Variants in ECM2 observed in about 807,000 individuals in gnomAD.
ECM2 encodes the protein extracellular matrix protein 2, female organ and adipocyte specific.
In ECM2, 57 loss-of-function variants were observed where a neutral mutation model predicts 67.5. The observed-to-expected ratio is 0.84, with a 90% CI of 0.68 to 1.05. The LOEUF is 1.05. ECM2 is among the 50% of genes least tolerant of loss of function. The pLI is 0.00. For missense variants in ECM2, 741 were observed against 822.8 expected, an observed-to-expected ratio of 0.90 and a Z score of 1.22; for synonymous variants, 258 against 294.5, an observed-to-expected ratio of 0.88 and a Z score of 1.27.
At position 92,495,978 on chromosome 9, in the gene ECM2, C is replaced by T. The variant is rs1846325017; in HGVS notation, c.*337G>A. The T allele has an allele frequency of 5.0e-6, 5 of 991,818 alleles. No individual in the cohort carries two copies. The South Asian group carries it at 1.4e-4, about 28-fold the overall frequency. 61.4% of individuals were successfully genotyped at this position (991,818 alleles called of 1,614,324 possible). A position where few individuals can be genotyped will look rare whatever the true frequency, so the allele number is the denominator to read the frequency against. Reference sequence around the variant, plus strand: ...TTTTTAAAGGGACTTACAGAGTTCTCAGCTAACACCAGTATTCAAGTTGAT... The same window carrying T: ...TTTTTAAAGGGACTTACAGAGTTCTTAGCTAACACCAGTATTCAAGTTGAT... On this transcript the variant is annotated 3_prime_UTR_variant, in exon 10 of 10. Coordinates refer to ENST00000344604, the MANE Select transcript of ECM2 (RefSeq NM_001393.4).
At chr9:92,540,138 G>A (rs911934523), upstream of ECM2, among the ~76,000 whole-genome samples, 1 of 152,146 alleles carries the variant, frequency 6.6e-6, no homozygotes, top group African/African-American at 2.4e-5. Flanking sequence ...TCCCATTGAA[G>A]TAAGAAAGAA....
At chr9:92,534,234 G>A (rs575867902) in intron 1 of ECM2, among the ~76,000 whole-genome samples, 5 of 152,250 alleles carry the variant, frequency 3.3e-5, no homozygotes, top group East Asian at 1.9e-4. Context: ...GCATTTATTT[G>A]TCTGTAATAT....
At chr9:92,530,336 ATAG>A (rs1299229954) in intron 1 of ECM2, among the ~76,000 whole-genome samples, 2 of 152,174 alleles carry the variant, frequency 1.3e-5, no homozygotes, top group Non-Finnish European at 2.9e-5. Flanking sequence ...TGAGATTTTG[ATAG>A]TAGGGGAAAA....
chr9:92,547,460 A>G, the ECM2 span, among the ~76,000 whole-genome samples: 7 of 152,256 alleles, frequency 4.6e-5, no homozygotes. Context: ...ACAAGGGAAT[A>G]TTATTTGGTA....
At position 92,523,847 on chromosome 9, in the gene ECM2, C is replaced by T. The variant is rs367917207; in HGVS notation, c.-27-954G>A. Among the ~76,000 whole-genome samples the T allele has an allele frequency of 6.3e-4, 96 of 152,292 alleles. 1 individual carries two copies. The highest frequency in any genetic ancestry group is 2.2e-3 in the African/African-American group (93 of 41,572). The stretch of plus-strand genomic sequence containing the variant: ...TTGCACTCAGAGCATGGGAACATAA[C>T]GGCGATAAGAAGGCTTTCCTCCTCA... On this transcript the variant is annotated intron_variant, in intron 1 of 9. Transcript: ENST00000344604.
chr9:92,520,257 T>A (rs1348995386), intron 2 of ECM2, among the ~76,000 whole-genome samples: 1 of 151,704 alleles, frequency 6.6e-6, no homozygotes, highest in Non-Finnish European at 1.5e-5. Flanking sequence ...TATTCCAGCC[T>A]GGACAGCAGA....
intron 9 of ECM2, among the ~76,000 whole-genome samples, chr9:92,497,158 T>C (rs190652485): frequency 2.0e-5 from 3 of 152,298 alleles, no homozygotes; most frequent in Admixed American, 2.0e-4. Flanking sequence ...AAATGACATT[T>C]ATACAAACTT....
intron 1 of ECM2, among the ~76,000 whole-genome samples, chr9:92,533,777 GTT>G (rs1364858282): frequency 6.6e-6 from 1 of 152,034 alleles, no homozygotes; most frequent in African/African-American, 2.4e-5. Flanking sequence ...CAGAATTACG[GTT>G]TCAAAATCAT....
chr9:92,520,390 A>G lies in ECM2; in HGVS notation c.292+2185T>C, dbSNP rs978734157. On this transcript the variant is annotated intron_variant, in intron 2 of 9. Coordinates refer to ENST00000344604, the MANE Select transcript of ECM2 (RefSeq NM_001393.4). ...AAGATGCTTAACATCATTAGTTGTT[A>G]GGGAAATGCAAATCAAAAGCACAAT... Among the ~76,000 whole-genome samples, 4 of 152,234 alleles carry G rather than the reference A, an allele frequency of 2.6e-5. No individual in the cohort carries two copies. In the South Asian group the frequency reaches 8.3e-4, roughly 32 times the overall value.
chr9:92,540,402 C>T (rs1304816213), upstream of ECM2, among the ~76,000 whole-genome samples: 1 of 148,638 alleles, frequency 6.7e-6, no homozygotes, highest in Admixed American at 6.7e-5. Flanking sequence ...CATGCCACTG[C>T]ACTCCAGCCT....
At chr9:92,517,316 C>T in intron 3 of ECM2, 1 of 303,984 alleles carries the variant, frequency 3.3e-6, no homozygotes, top group Non-Finnish European at 6.1e-6. Flanking sequence ...ATGATAAAGG[C>T]ACGTTGCACT....
chr9:92,499,194 A>C (rs1400874604), intron 9 of ECM2, among the ~76,000 whole-genome samples: 2 of 152,254 alleles, frequency 1.3e-5, no homozygotes. Flanking sequence ...AACTGCTTAC[A>C]TGAAAGCCTA....
intron 6 of ECM2, among the ~76,000 whole-genome samples, chr9:92,506,897 A>AT (rs1275664372): frequency 1.3e-5 from 2 of 151,832 alleles, no homozygotes; most frequent in Admixed American, 1.3e-4. Context: ...CTTTTTTTAC[A>AT]TTTTTTAAAT....
At chr9:92,548,586 T>G in the ECM2 span, among the ~76,000 whole-genome samples, 197 of 152,316 alleles carry the variant, frequency 1.3e-3, no homozygotes, top group Non-Finnish European at 2.0e-3. Flanking sequence ...AAAAAATAAT[T>G]GTCTTTATAC....
At position 92,495,653 on chromosome 9, in the gene ECM2, A is replaced by T; in HGVS notation, c.*662T>A. 1.1e-6 allele frequency: 1 copy of T among 909,192 alleles called. No homozygotes were observed. The highest frequency in any genetic ancestry group is 1.3e-6 in the Non-Finnish European group (1 of 760,448). 56.3% of individuals were successfully genotyped at this position (909,192 alleles called of 1,614,324 possible). On this transcript the variant is annotated 3_prime_UTR_variant, in exon 10 of 10. Coordinates refer to ENST00000344604, the MANE Select transcript of ECM2 (RefSeq NM_001393.4). ...TATAGAAAAGTTTCAAAAAGAGTAT[A>T]GAATTTATGCACACCCTTCTGCCAG...
the ECM2 span, among the ~76,000 whole-genome samples, chr9:92,557,202 T>C: frequency 4.6e-5 from 7 of 152,240 alleles, no homozygotes; most frequent in African/African-American, 1.7e-4. Context: ...GTTAATCTGA[T>C]AGGTTTTCCT....
intron 5 of ECM2, 127 bp downstream of exon 5, chr9:92,511,884 A>C: frequency 1.6e-6 from 1 of 622,612 alleles, no homozygotes; most frequent in South Asian, 2.2e-5. Context: ...GACATCAGAG[A>C]GGAAACTTTC....
the ECM2 span, among the ~76,000 whole-genome samples, chr9:92,557,666 CAG>C: frequency 1.2e-4 from 18 of 152,214 alleles, no homozygotes; most frequent in African/African-American, 3.4e-4. Context: ...TGTTTTGAGA[CAG>C]AGTCTTGCTC....
the ECM2 span, among the ~76,000 whole-genome samples, chr9:92,550,634 T>C: frequency 2.6e-5 from 4 of 152,122 alleles, no homozygotes; most frequent in Non-Finnish European, 2.9e-5. Flanking sequence ...TAGATAGTTA[T>C]GCATGTAAAG....
Sources: allele counts gnomAD v4.1 joint callset (sites outside exome capture counted in the v4.1 genomes callset), GRCh38; gene constraint gnomAD v4.1.1; transcripts MANE v1.5; gene names NCBI Gene and HGNC (gene_info 2026-07-23, HGNC 2026-07-21).